Variants in ANKUB1 observed in about 807,000 individuals in gnomAD.
ANKUB1 encodes the protein ankyrin repeat and ubiquitin domain containing 1, also known as protein ANKUB1.
A neutral mutation model predicts 49.3 loss-of-function variants in ANKUB1; 42 were observed. The ratio of observed to expected loss-of-function variants is 0.85; its 90% CI spans 0.67 to 1.10. The LOEUF is 1.10. Ranked by LOEUF, ANKUB1 falls within the 50% of genes least tolerant of loss-of-function variation. ANKUB1 has a pLI of 0.00. For synonymous variants in ANKUB1, 222 were observed against 231.0 expected (o/e 0.96, Z 0.35); for missense variants, 613 against 642.0 (o/e 0.95, Z 0.49).
At chr3:149,772,366 C>G (rs1311161203) in intron 3 of ANKUB1, among the ~76,000 whole-genome samples, 1 of 152,130 alleles carries the variant, frequency 6.6e-6, no homozygotes, top group Non-Finnish European at 1.5e-5. Flanking sequence ...TTGCTTAGGC[C>G]TGACAGGTTT....
At chr3:149,772,689 C>T (rs1717418550) in intron 3 of ANKUB1, among the ~76,000 whole-genome samples, 1 of 152,180 alleles carries the variant, frequency 6.6e-6, no homozygotes. Context: ...GAGATCCAAG[C>T]TTCAGGAGGG....
intron 2 of ANKUB1, among the ~76,000 whole-genome samples, chr3:149,782,926 A>G (rs1426909375): frequency 7.0e-6 from 1 of 143,570 alleles, no homozygotes; most frequent in Non-Finnish European, 1.5e-5. Context: ...AAGTCTCAAG[A>G]AAATTAACAC....
chr3:149,781,072 T>C (rs1421515333), intron 2 of ANKUB1, among the ~76,000 whole-genome samples: 1 of 150,424 alleles, frequency 6.6e-6, no homozygotes, highest in Admixed American at 6.6e-5. Flanking sequence ...GCGATCTTCC[T>C]ACCTTGGCCT....
At chr3:149,780,071 A>G in intron 3 of ANKUB1, 168 bp downstream of exon 3, 1 of 653,702 alleles carries the variant, frequency 1.5e-6, no homozygotes, top group Non-Finnish European at 2.6e-6. Flanking sequence ...CACTTCTGAT[A>G]TTTAAACTAT....
chr3:149,789,386 C>T (rs748487066), intron 2 of ANKUB1, among the ~76,000 whole-genome samples: 28 of 151,946 alleles, frequency 1.8e-4, no homozygotes, highest in Middle Eastern at 6.8e-3. Flanking sequence ...TGATCCTGTA[C>T]GGCACCAAAA....
chr3:149,782,012 G>T (rs998168001), intron 2 of ANKUB1, among the ~76,000 whole-genome samples: 1 of 152,194 alleles, frequency 6.6e-6, no homozygotes, highest in East Asian at 1.9e-4. Flanking sequence ...CATAAGGGAA[G>T]TATCTGTTCA....
chr3:149,780,367 G>A lies in ANKUB1; in HGVS notation c.323C>T (p.Thr108Ile), dbSNP rs753162142. The change falls in exon 3 of 6, where the codon ACA becomes ATA. Residue 108 changes from threonine to isoleucine, a missense_variant. Thr to Ile is a moderately conservative substitution (Grantham distance 89). Coordinates refer to ENST00000446160, the MANE Select transcript of ANKUB1 (RefSeq NM_001144960.3). ...TACCAGTGTTCTCAGATCAGACACT[G>A]TTTTATCAAGAAGGGAAATGCTCTC... ...VMESISLLDK[T>I]VSDLRTLVTL... 3.2e-6 allele frequency: 5 copies of A among 1,551,956 alleles called. No homozygotes were observed. The highest frequency in any genetic ancestry group is 1.7e-4 in the Middle Eastern group (1 of 6,020).
chr3:149,763,473 C>T (rs766570392), intron 5 of ANKUB1, among the ~76,000 whole-genome samples: 27 of 152,142 alleles, frequency 1.8e-4, no homozygotes, highest in Non-Finnish European at 2.8e-4. Flanking sequence ...ACAAGATATG[C>T]CTTTTTAAAT....
chr3:149,776,225 A>G (rs138680743), intron 3 of ANKUB1, among the ~76,000 whole-genome samples: 2 of 152,286 alleles, frequency 1.3e-5, no homozygotes, highest in Non-Finnish European at 2.9e-5. Context: ...CAGTCTCATC[A>G]TCTGTTACAA....
rs1337981932 is a variant in ANKUB1 at position 149,761,149 on chromosome 3, T to A, written c.*335A>T. 1 of 159,780 alleles carries A rather than the reference T, an allele frequency of 6.3e-6. No individual in the cohort carries two copies. Among genetic ancestry groups the A allele is most frequent in the Non-Finnish European group, 1.4e-5 (1 of 73,310 alleles). The allele number at this position is 159,780 out of a possible 1,614,324, so 9.9% of individuals were successfully genotyped here. A position where few individuals can be genotyped will look rare whatever the true frequency, so the allele number is the denominator to read the frequency against. On this transcript the variant is annotated 3_prime_UTR_variant, in exon 6 of 6. Coordinates refer to ENST00000446160, the MANE Select transcript of ANKUB1 (RefSeq NM_001144960.3). Reference sequence around the variant, plus strand: ...ATGGCTTAAAAAACCAAAACACATTTTTTTAGGAAAAAAAAAGAAAAACAA... The same window carrying A: ...ATGGCTTAAAAAACCAAAACACATTATTTTAGGAAAAAAAAAGAAAAACAA...
intron 2 of ANKUB1, among the ~76,000 whole-genome samples, chr3:149,789,717 C>T (rs973487865): frequency 1.3e-5 from 2 of 151,800 alleles, no homozygotes; most frequent in African/African-American, 4.8e-5. Context: ...GCAACCTCCC[C>T]CTCCTGGGTT....
intron 3 of ANKUB1, among the ~76,000 whole-genome samples, chr3:149,777,299 C>T (rs1717640436): frequency 6.6e-6 from 1 of 152,052 alleles, no homozygotes; most frequent in Non-Finnish European, 1.5e-5. Context: ...GGGTGAAACC[C>T]CGTCTCTACT....
intron 5 of ANKUB1, chr3:149,766,785 G>C (rs971699796): frequency 9.3e-7 from 1 of 1,080,510 alleles, no homozygotes; most frequent in South Asian, 1.3e-5. Flanking sequence ...GCAACAGAAC[G>C]AGACCCTGTC....
intron 2 of ANKUB1, among the ~76,000 whole-genome samples, chr3:149,786,525 G>A (rs575577523): frequency 6.6e-6 from 1 of 152,166 alleles, no homozygotes; most frequent in Non-Finnish European, 1.5e-5. Context: ...CTCCAATTCT[G>A]TAGGTTGCCT....
intron 2 of ANKUB1, among the ~76,000 whole-genome samples, chr3:149,781,391 A>G (rs2108275921): frequency 6.6e-6 from 1 of 152,326 alleles, no homozygotes. Context: ...TCTCATGAAA[A>G]ATGAAACTGA....
At chr3:149,779,215 C>G (rs1403248666) in intron 3 of ANKUB1, 1 of 150,762 alleles carries the variant, frequency 6.6e-6, no homozygotes, top group East Asian at 1.9e-4. Context: ...CTTGCTGTCA[C>G]CCAGGCTGGA....
chr3:149,782,737 G>A (rs1717923885), intron 2 of ANKUB1, among the ~76,000 whole-genome samples: 1 of 151,672 alleles, frequency 6.6e-6, no homozygotes, highest in East Asian at 1.9e-4. Context: ...ACAGGGCCTA[G>A]CTATGTTGTC....
intron 4 of ANKUB1, among the ~76,000 whole-genome samples, 200 bp from the exon 5 acceptor site, chr3:149,768,295 T>C (rs929897408): frequency 2.0e-5 from 3 of 152,234 alleles, no homozygotes; most frequent in Non-Finnish European, 4.4e-5. Context: ...TATCCTACTA[T>C]GCACGTGTAA....
intron 2 of ANKUB1, among the ~76,000 whole-genome samples, chr3:149,785,734 T>C (rs1359830148): frequency 6.6e-6 from 1 of 152,200 alleles, no homozygotes; most frequent in East Asian, 1.9e-4. Flanking sequence ...TGTGCATGTG[T>C]CTTTATAGCA....
Sources: gnomAD v4.1 joint callset for allele counts (sites outside exome capture counted in the v4.1 genomes callset) on GRCh38, gnomAD v4.1.1 for gene constraint, MANE v1.5 for transcripts, NCBI Gene and HGNC (gene_info 2026-07-23, HGNC 2026-07-21) for gene names.